The following LRIT1 variants were observed in gnomAD, a reference collection of about 807,000 sequenced individuals.
The protein encoded by LRIT1 is leucine rich repeat, Ig-like and transmembrane domains 1, also known as leucine-rich repeat, immunoglobulin-like domain and transmembrane domain-containing protein 1.
A neutral mutation model predicts 24.0 loss-of-function variants in LRIT1; 23 were observed. That is an observed-to-expected ratio of 0.96 (90% CI 0.69 to 1.36). The LOEUF is 1.36. Ranked by LOEUF, LRIT1 falls within the 40% of genes most tolerant of loss-of-function variation. The pLI is 0.00. For missense variants in LRIT1, 846 were observed against 806.3 expected (o/e 1.05, Z -0.60); for synonymous variants, 361 against 340.5 (o/e 1.06, Z -0.66).
Position 84,241,323 on chromosome 10 carries a change from C to T in LRIT1, c.117G>A (p.Lys39=). 4 of 1,613,894 alleles carry T rather than the reference C, an allele frequency of 2.5e-6. No homozygotes were observed. The highest frequency in any genetic ancestry group is 2.5e-6 in the Non-Finnish European group (3 of 1,179,928). ...CCACGCACCCGGTACCATACCTGGC[C>T]TTGCTGCCATCACCCATGATATGGA... ...CSLHIMGDGS[K]ARTVVCNDPD... The change falls in exon 1 of 4, where the codon AAG becomes AAA. Residue 39 remains lysine (K), a synonymous_variant. Coordinates refer to ENST00000372105, the MANE Select transcript of LRIT1 (RefSeq NM_015613.3).
At position 84,232,615 on chromosome 10, in the gene LRIT1, C is replaced by A. The variant is rs778496129; in HGVS notation, c.1184G>T (p.Gly395Val). 1.2e-6 allele frequency: 2 copies of A among 1,613,836 alleles called. No individual in the cohort carries two copies. The highest frequency in any genetic ancestry group is 1.1e-5 in the South Asian group (1 of 91,078). ...QIPKPAVLAT[G>V]PSVPSTKEEL... ...CTCCTTTGTGCTGGGCACAGAGGGTCCAGTGGCCAGGACAGCGGGTTTGGG... is the reference window on the plus strand; with the variant it reads ...CTCCTTTGTGCTGGGCACAGAGGGTACAGTGGCCAGGACAGCGGGTTTGGG... The change falls in exon 4 of 4, where the codon GGA (glycine) becomes GTA (valine). Residue 395 changes from glycine to valine, a missense_variant. Gly to Val is a moderately radical substitution (Grantham distance 109, BLOSUM62 -3). Coordinates refer to ENST00000372105, the MANE Select transcript of LRIT1 (RefSeq NM_015613.3).
rs761349415 is a variant in LRIT1 at position 84,232,187 on chromosome 10, C to T, written c.1612G>A (p.Val538Ile). 14 of 1,614,214 alleles carry T rather than the reference C, an allele frequency of 8.7e-6. No individual in the cohort carries two copies. Among genetic ancestry groups the T allele is most frequent in the Middle Eastern group, 3.3e-4 (2 of 6,062 alleles). The part of the protein sequence containing the change: ...INVVVISVAI[V>I]IALPLTLLVC... ...AGCAGCGTGAGAGGCAGGGCAATGA[C>T]GATGGCCACACTGATCACCACCACA... is the stretch of plus-strand genomic sequence containing the variant. Residue 538 changes from valine to isoleucine, a missense_variant, in exon 4 of 4, where the codon GTC (valine) becomes ATC (isoleucine). Transcript: ENST00000372105.
intron 1 of LRIT1, among the ~76,000 whole-genome samples, chr10:84,240,670 A>C (rs752983557): frequency 7.2e-5 from 11 of 152,196 alleles, no homozygotes; most frequent in Non-Finnish European, 7.3e-5. Context: ...CTGAGGGATC[A>C]GACAGAGGGT....
chr10:84,239,888 C>T (rs557984087), intron 1 of LRIT1, among the ~76,000 whole-genome samples: 68 of 152,236 alleles, frequency 4.5e-4, no homozygotes, highest in Non-Finnish European at 8.1e-4. Flanking sequence ...CCGCTACCAC[C>T]TTTCATGGCC....
intron 2 of LRIT1, among the ~76,000 whole-genome samples, chr10:84,235,906 C>T (rs149647119): frequency 1.9e-4 from 29 of 151,888 alleles, no homozygotes; most frequent in South Asian, 1.0e-3. Flanking sequence ...CCCCCGTACC[C>T]GGCCCAGATG....
Position 84,231,988 on chromosome 10 carries a change from C to A in LRIT1, c.1811G>T (p.Ser604Ile). ...EADRLLSARS[S>I]VDFQAFGVKG... Reference sequence around the variant, plus strand: ...GACTCCAAAGGCCTGAAAGTCCACACTGGAACGAGCTGAGAGAAGCCTGTC... The same window carrying A: ...GACTCCAAAGGCCTGAAAGTCCACAATGGAACGAGCTGAGAGAAGCCTGTC... Residue 604 changes from serine to isoleucine, a missense_variant, in exon 4 of 4, where the codon AGT becomes ATT. Coordinates refer to ENST00000372105, the MANE Select transcript of LRIT1 (RefSeq NM_015613.3). 1.2e-6 allele frequency: 2 copies of A among 1,614,010 alleles called. No homozygotes were observed. Among genetic ancestry groups the A allele is most frequent in the Non-Finnish European group, 1.7e-6 (2 of 1,179,928 alleles).
At chr10:84,240,496 A>G (rs1463700357) in intron 1 of LRIT1, among the ~76,000 whole-genome samples, 2 of 152,244 alleles carry the variant, frequency 1.3e-5, no homozygotes, top group African/African-American at 2.4e-5. Context: ...CTCAGAAACC[A>G]TGCAGAGGTC....
Position 84,231,968 on chromosome 10 carries a change from CAAAGGCCTG to C in LRIT1, c.1822_1830del (p.Gln608_Phe610del). 6.2e-7 allele frequency: 1 copy of C among 1,613,038 alleles called. No homozygotes were observed. Among genetic ancestry groups the C allele is most frequent in the South Asian group, 1.1e-5 (1 of 91,038 alleles). On this transcript the variant is annotated inframe_deletion, in exon 4 of 4. Coordinates refer to ENST00000372105, the MANE Select transcript of LRIT1 (RefSeq NM_015613.3). ...TTGATTCTCCTGCCCCCTTTGACTC[CAAAGGCCTG>C]AAAGTCCACACTGGAACGAGCTGAG...
intron 1 of LRIT1, among the ~76,000 whole-genome samples, chr10:84,239,187 C>T (rs1842674532): frequency 6.6e-6 from 1 of 152,218 alleles, no homozygotes; most frequent in South Asian, 2.1e-4. Context: ...AAGTGATGAG[C>T]AATTCAGAAG....
rs922382093 is a variant in LRIT1, at chr10:84,232,883, C to T, written c.916G>A (p.Asp306Asn). 1.9e-6 allele frequency: 3 copies of T among 1,611,882 alleles called. No individual in the cohort carries two copies. In the African/African-American group the frequency reaches 4.0e-5, roughly 22 times the overall value. The change falls in exon 4 of 4, where the codon GAC (aspartate) becomes AAC (asparagine). Residue 306 changes from aspartate (D) to asparagine (N), a missense_variant. By Grantham distance (23) the Asp-to-Asn change is conservative. Transcript: ENST00000372105. ...NGTVHQEVSS[D>N]GTSWTLLGLP... is the part of the protein sequence containing the mutation. ...CCCAGCAGAGTCCAGCTCGTGCCGT[C>T]ACTGGAGACTTCCTGGTGCACTAGG...
rs191051109 is a variant in LRIT1 at position 84,240,227 on chromosome 10, C to A, written c.122+1091G>T. On this transcript the variant is annotated intron_variant, in intron 1 of 3. Coordinates refer to ENST00000372105, the MANE Select transcript of LRIT1 (RefSeq NM_015613.3). ...TTTTTGTCACTCCAGTGACACTGCC[C>A]AGGCTGGGAACAGCAGGCTGTTCAG... is the stretch of plus-strand genomic sequence containing the variant. Among the ~76,000 whole-genome samples the A allele has an allele frequency of 2.4e-3, 364 of 152,324 alleles. 1 individual carries two copies. Among genetic ancestry groups the A allele is most frequent in the South Asian group, 0.018 (85 of 4,820 alleles).
rs373541602 is a variant in LRIT1 at position 84,237,704 on chromosome 10, G to A, written c.123-18C>T. On this transcript the variant is annotated intron_variant, in intron 1 of 3. Transcript: ENST00000372105. Reference sequence around the variant, plus strand: ...CTACTGTCCTGCTGGCAGAAATGAGGGATAGTTGAGCAAGGATCCTGCCGG... The same window carrying A: ...CTACTGTCCTGCTGGCAGAAATGAGAGATAGTTGAGCAAGGATCCTGCCGG... 206 of 1,557,906 alleles carry A rather than the reference G, an allele frequency of 1.3e-4. 1 individual carries two copies. The highest frequency in any genetic ancestry group is 6.8e-4 in the Middle Eastern group (4 of 5,904).
intron 2 of LRIT1, among the ~76,000 whole-genome samples, chr10:84,236,334 T>C (rs1842647569): frequency 6.6e-6 from 1 of 151,994 alleles, no homozygotes; most frequent in Non-Finnish European, 1.5e-5. Context: ...GAATGTTCTC[T>C]GTTGCATCAT....
Position 84,234,239 on chromosome 10 carries a change from G to A in LRIT1, c.729C>T (p.Phe243=). ...GGCACTTCCTCAGTTCAAGCTGGCT[G>A]AAGGCCACTCCGGCCAGGCTACGTG... The part of the protein sequence containing the change: ...ASPRSLAGVA[F]SQLELRKCQG... The change falls in exon 3 of 4, where the codon TTC becomes TTT. Residue 243 remains phenylalanine, a synonymous_variant. Transcript: ENST00000372105. 6.2e-7 allele frequency: 1 copy of A among 1,614,058 alleles called. No homozygotes were observed. Among genetic ancestry groups the A allele is most frequent in the Non-Finnish European group, 8.5e-7 (1 of 1,180,006 alleles).
At chr10:84,237,831 G>A (rs1336147113) in intron 1 of LRIT1, 145 bp from the exon 2 acceptor site, 1 of 632,948 alleles carries the variant, frequency 1.6e-6, no homozygotes, top group Non-Finnish European at 2.7e-6. Flanking sequence ...GGGACCTGGA[G>A]AGGGGCCCGG....
rs113611523 is a variant in LRIT1 at position 84,232,311 on chromosome 10, C to T, written c.1488G>A (p.Ala496=). ...GCACCAGGCCCTGCACACAGACACA[C>T]GCCACATACTTGGTCTTGGGCAACA... ...TGLLPKTKYV[A]CVCVQGLVPR... Residue 496 remains alanine, a synonymous_variant, in exon 4 of 4, where the codon GCG becomes GCA. Coordinates refer to ENST00000372105, the MANE Select transcript of LRIT1 (RefSeq NM_015613.3). 1.0e-4 allele frequency: 163 copies of T among 1,614,062 alleles called. No homozygotes were observed. Among genetic ancestry groups the T allele is most frequent in the South Asian group, 6.8e-4 (62 of 91,062 alleles).
At chr10:84,236,904 T>C (rs566429249) in intron 2 of LRIT1, among the ~76,000 whole-genome samples, 57 of 152,302 alleles carry the variant, frequency 3.7e-4, no homozygotes, top group African/African-American at 1.3e-3. Context: ...TGTTGGTTTG[T>C]TAAGAACAGG....
intron 1 of LRIT1, among the ~76,000 whole-genome samples, chr10:84,241,078 A>G (rs1042994015): frequency 2.6e-5 from 4 of 152,150 alleles, no homozygotes; most frequent in African/African-American, 9.7e-5. Context: ...CTTAGAACTG[A>G]CATACTTGTG....
intron 2 of LRIT1, among the ~76,000 whole-genome samples, chr10:84,234,976 C>T (rs1338855701): frequency 6.6e-6 from 1 of 152,142 alleles, no homozygotes; most frequent in Non-Finnish European, 1.5e-5. Flanking sequence ...AAGCAGATCA[C>T]TGTACCCACT....
Sources: allele counts gnomAD v4.1 joint callset (sites outside exome capture counted in the v4.1 genomes callset), GRCh38; gene constraint gnomAD v4.1.1; transcripts MANE v1.5; gene names NCBI Gene and HGNC (gene_info 2026-07-23, HGNC 2026-07-21).